Variants in FSD1L observed in about 807,000 individuals in gnomAD.
The protein encoded by FSD1L is FSD1-like protein.
FSD1L carries 45 observed loss-of-function variants against 71.6 expected under a neutral mutation model. The ratio of observed to expected loss-of-function variants is 0.63; its 90% confidence interval spans 0.49 to 0.81. The LOEUF (loss-of-function observed/expected upper bound fraction) is 0.81, where lower values mean the gene tolerates loss of function less well. Among genes scored for constraint, FSD1L ranks in the 30% least tolerant of loss-of-function variants. The pLI is 0.00. For missense variants in FSD1L, 561 were observed against 618.1 expected, an observed-to-expected ratio of 0.91 and a Z score of 0.98; for synonymous variants, 197 against 207.2, an observed-to-expected ratio of 0.95 and a Z score of 0.42.
chr9:105,520,449 C>A, intron 10 of FSD1L: 2 of 1,053,578 alleles, frequency 1.9e-6, no homozygotes, highest in East Asian at 2.4e-5. Flanking sequence ...TTGTGACTAT[C>A]GAAGCTAGTC....
At chr9:105,496,155 A>G (rs1337676213) in intron 7 of FSD1L, among the ~76,000 whole-genome samples, 3 of 143,020 alleles carry the variant, frequency 2.1e-5, no homozygotes, top group Non-Finnish European at 4.5e-5. Flanking sequence ...GGTTCCTTTG[A>G]TCTATTTGTC....
intron 7 of FSD1L, among the ~76,000 whole-genome samples, chr9:105,504,077 C>G (rs1192034888): frequency 3.3e-5 from 5 of 152,212 alleles, no homozygotes; most frequent in African/African-American, 1.2e-4. Flanking sequence ...TCAGGACTTT[C>G]AGTTGCAGAT....
At chr9:105,442,350 G>C in the FSD1L span, among the ~76,000 whole-genome samples, 2 of 152,074 alleles carry the variant, frequency 1.3e-5, no homozygotes, top group African/African-American at 4.8e-5. Context: ...CTCCAGTTTA[G>C]AGAATGATGT....
chr9:105,459,007 C>G (rs1329022), intron 1 of FSD1L, among the ~76,000 whole-genome samples: 17,894 of 152,258 alleles, frequency 0.12, 1,352 homozygotes, highest in Admixed American at 0.22. Context: ...TTTCTGCTCT[C>G]TTTCTCTGCC....
At chr9:105,451,606 C>T (rs1830009157) in intron 1 of FSD1L, among the ~76,000 whole-genome samples, 3 of 152,182 alleles carry the variant, frequency 2.0e-5, no homozygotes, top group Admixed American at 6.5e-5. Flanking sequence ...GTATTAACTC[C>T]TGGAAATAAA....
chr9:105,448,184 G>A lies in FSD1L; in HGVS notation c.-37G>A, dbSNP rs777275504. 1 of 1,541,936 alleles carries A rather than the reference G, an allele frequency of 6.5e-7. No individual in the cohort carries two copies. Among genetic ancestry groups the A allele is most frequent in the South Asian group, 1.2e-5 (1 of 83,910 alleles). On this transcript the variant is annotated 5_prime_UTR_variant, in exon 1 of 14. Coordinates refer to ENST00000481272, the MANE Select transcript of FSD1L (RefSeq NM_001145313.3). ...GCTGAGCCTCCTCACACGGTTCGTC[G>A]TCTCGGGTTCGAGCCCAGTGGGCTT... is the stretch of plus-strand genomic sequence containing the variant.
chr9:105,512,099 C>T (rs1487046271), intron 9 of FSD1L, among the ~76,000 whole-genome samples: 1 of 152,074 alleles, frequency 6.6e-6, no homozygotes, highest in Non-Finnish European at 1.5e-5. Context: ...AAGCTTATAC[C>T]TTGCTTCACT....
chr9:105,478,148 G>A (rs1588967793), intron 5 of FSD1L, among the ~76,000 whole-genome samples: 2 of 152,200 alleles, frequency 1.3e-5, no homozygotes, highest in East Asian at 3.9e-4. Flanking sequence ...GGGAGGCTGA[G>A]GCAGGAGAAT....
intron 7 of FSD1L, among the ~76,000 whole-genome samples, chr9:105,493,009 A>G (rs938160841): frequency 3.0e-4 from 45 of 152,290 alleles, no homozygotes; most frequent in African/African-American, 1.1e-3. Flanking sequence ...GTAGATGTCT[A>G]TTAGGTCCAC....
chr9:105,478,416 A>T (rs922312561), intron 5 of FSD1L, among the ~76,000 whole-genome samples: 1 of 152,214 alleles, frequency 6.6e-6, no homozygotes, highest in Non-Finnish European at 1.5e-5. Context: ...AATAAGTTTA[A>T]TAATTATTAA....
At chr9:105,443,807 A>G (rs1435362351), upstream of FSD1L, among the ~76,000 whole-genome samples, 2 of 152,196 alleles carry the variant, frequency 1.3e-5, no homozygotes, top group Non-Finnish European at 2.9e-5. Context: ...GGTTGGGAAG[A>G]GATAGCTAAT....
At chr9:105,497,131 G>A (rs1281409724) in intron 7 of FSD1L, among the ~76,000 whole-genome samples, 1 of 152,136 alleles carries the variant, frequency 6.6e-6, no homozygotes. Flanking sequence ...TTATGATTGT[G>A]AGATTTTTCT....
At chr9:105,474,197 T>C (rs962943652) in intron 5 of FSD1L, among the ~76,000 whole-genome samples, 9 of 152,208 alleles carry the variant, frequency 5.9e-5, no homozygotes, top group African/African-American at 2.2e-4. Context: ...GCTGCAAACC[T>C]GTGTAGCATG....
chr9:105,469,343 A>G (rs1361258195), intron 4 of FSD1L, among the ~76,000 whole-genome samples: 1 of 149,938 alleles, frequency 6.7e-6, no homozygotes, highest in Admixed American at 6.7e-5. Context: ...AGGACCCTCT[A>G]TATAATGTTT....
chr9:105,519,880 G>T (rs1042473623), intron 10 of FSD1L, among the ~76,000 whole-genome samples: 2 of 152,176 alleles, frequency 1.3e-5, no homozygotes, highest in Non-Finnish European at 2.9e-5. Flanking sequence ...ACCTCGCTCC[G>T]TGCAGGGCCG....
intron 10 of FSD1L, among the ~76,000 whole-genome samples, chr9:105,529,425 A>G (rs1308774665): frequency 6.6e-6 from 1 of 152,196 alleles, no homozygotes; most frequent in African/African-American, 2.4e-5. Context: ...CATATACACC[A>G]TGGAATACTA....
At chr9:105,482,065 A>C (rs575038310) in intron 6 of FSD1L, among the ~76,000 whole-genome samples, 1 of 152,290 alleles carries the variant, frequency 6.6e-6, no homozygotes, top group East Asian at 1.9e-4. Flanking sequence ...ATGAGCCACC[A>C]TGTCCGCCCT....
chr9:105,457,066 T>G (rs935647664), intron 1 of FSD1L, among the ~76,000 whole-genome samples: 1 of 152,130 alleles, frequency 6.6e-6, no homozygotes, highest in Non-Finnish European at 1.5e-5. Flanking sequence ...TCTTTACCCA[T>G]AAGGCTTTGA....
intron 1 of FSD1L, among the ~76,000 whole-genome samples, chr9:105,451,106 C>G (rs1377461064): frequency 6.6e-6 from 1 of 151,960 alleles, no homozygotes; most frequent in African/African-American, 2.4e-5. Flanking sequence ...ACTACAGGCT[C>G]CCGCCACCAC....
Sources: allele counts gnomAD v4.1 joint callset (sites outside exome capture counted in the v4.1 genomes callset), GRCh38; gene constraint gnomAD v4.1.1; transcripts MANE v1.5; gene names NCBI Gene and HGNC (gene_info 2026-07-23, HGNC 2026-07-21).